Variants in VPS13B observed in about 807,000 individuals in gnomAD.
VPS13B encodes vacuolar protein sorting 13 homolog B, also known as intermembrane lipid transfer protein VPS13B.
VPS13B carries 285 observed loss-of-function variants against 426.4 expected under a neutral mutation model. The ratio of observed to expected loss-of-function variants is 0.67; its 90% CI spans 0.61 to 0.74. The LOEUF (loss-of-function observed/expected upper bound fraction) is 0.74, where lower values mean the gene tolerates loss of function less well. Ranked by LOEUF, VPS13B falls within the 30% of genes least tolerant of loss-of-function variation. VPS13B has a pLI of 0.00. For missense variants in VPS13B, 4,537 were observed against 4,782.6 expected (o/e 0.95, Z 1.51); for synonymous variants, 1,676 against 1,676.4 (o/e 1.00, Z 0.01).
chr8:99,717,342 T>C lies in VPS13B; in HGVS notation c.6626T>C (p.Ile2209Thr). 6.2e-7 allele frequency: 1 copy of C among 1,614,012 alleles called. No homozygotes were observed. The highest frequency in any genetic ancestry group is 8.5e-7 in the Non-Finnish European group (1 of 1,179,968). ...GGCCCAGAACAATCCATACCAAAAA[T>C]ATCCATTGACTTAAGAGGAGGTCTA... ...NPGPEQSIPK[I>T]SIDLRGGLLQ... Residue 2209 changes from isoleucine to threonine, a missense_variant, in exon 37 of 62, where the codon ATA (isoleucine) becomes ACA (threonine). Physicochemically the swap from Ile to Thr is moderately conservative, Grantham distance 89. Transcript: ENST00000357162.
chr8:99,320,382 A>G (rs1809912913), intron 19 of VPS13B, among the ~76,000 whole-genome samples: 1 of 152,172 alleles, frequency 6.6e-6, no homozygotes, highest in South Asian at 2.1e-4. Flanking sequence ...TGTTTAAAAT[A>G]CAACATCAGT....
At chr8:99,247,833 G>GA (rs1817304829) in intron 17 of VPS13B, among the ~76,000 whole-genome samples, 1 of 151,990 alleles carries the variant, frequency 6.6e-6, no homozygotes, top group African/African-American at 2.4e-5. Context: ...TTGGGGCAGG[G>GA]AAAAAAATAA....
chr8:99,209,289 A>AC (rs1814922316), intron 17 of VPS13B, among the ~76,000 whole-genome samples: 1 of 150,962 alleles, frequency 6.6e-6, no homozygotes, highest in African/African-American at 2.4e-5. Flanking sequence ...CTCAAAAAAA[A>AC]AACAAAACAA....
chr8:99,469,118 A>AGAAC (rs1402179522), intron 24 of VPS13B, among the ~76,000 whole-genome samples: 1 of 151,970 alleles, frequency 6.6e-6, no homozygotes, highest in Admixed American at 6.6e-5. Flanking sequence ...TAAAAACTTA[A>AGAAC]GAACTCATCT....
intron 16 of VPS13B, among the ~76,000 whole-genome samples, chr8:99,170,571 A>C (rs532141118): frequency 3.3e-5 from 5 of 151,968 alleles, no homozygotes; most frequent in Non-Finnish European, 7.4e-5. Context: ...CACTGACAAA[A>C]GTATACACAT....
chr8:99,836,851 T>C (rs1165466673), intron 54 of VPS13B, among the ~76,000 whole-genome samples: 1 of 152,202 alleles, frequency 6.6e-6, no homozygotes, highest in African/African-American at 2.4e-5. Context: ...ACAACAGCCA[T>C]ACAAGTTAGT....
intron 35 of VPS13B, among the ~76,000 whole-genome samples, chr8:99,671,329 T>C (rs577951869): frequency 4.9e-4 from 75 of 152,144 alleles, no homozygotes; most frequent in Non-Finnish European, 9.3e-4. Flanking sequence ...TAAAATTTGG[T>C]TCTTTGTCTT....
At chr8:99,337,506 A>G (rs549009184) in intron 19 of VPS13B, among the ~76,000 whole-genome samples, 1 of 152,180 alleles carries the variant, frequency 6.6e-6, no homozygotes, top group African/African-American at 2.4e-5. Flanking sequence ...TAAAACTTAA[A>G]GTATAATAAA....
At chr8:99,288,495 A>G (rs1459149487) in intron 19 of VPS13B, among the ~76,000 whole-genome samples, 1 of 151,992 alleles carries the variant, frequency 6.6e-6, no homozygotes, top group Non-Finnish European at 1.5e-5. Flanking sequence ...ATGAAATACA[A>G]TTTCATTTTT....
At chr8:99,485,045 A>G (rs1820232839) in intron 25 of VPS13B, among the ~76,000 whole-genome samples, 1 of 152,202 alleles carries the variant, frequency 6.6e-6, no homozygotes, top group African/African-American at 2.4e-5. Flanking sequence ...GCTCTTGTAA[A>G]GTCAGGAACA....
In VPS13B at chr8:99,038,522, A is replaced by G. The variant is rs1213548724; in HGVS notation, c.247A>G (p.Ile83Val). Residue 83 changes from isoleucine to valine, a missense_variant, in exon 3 of 62, where the codon ATC (isoleucine) becomes GTC (valine). Physicochemically the swap from Ile to Val is conservative, Grantham distance 29. Transcript: ENST00000357162. ...GGGTTCAGAACCAGTGGTAATTACC[A>G]TCAATACTATGGAATGCATTTTGAA... ...KLGSEPVVITINTMECILKLK... is the reference protein window; with the variant it reads ...KLGSEPVVITVNTMECILKLK... 2 of 1,613,058 alleles carry G rather than the reference A, an allele frequency of 1.2e-6. No individual in the cohort carries two copies. The highest frequency in any genetic ancestry group is 8.5e-7 in the Non-Finnish European group (1 of 1,179,390).
At position 99,614,252 on chromosome 8, in the gene VPS13B, T is replaced by TACAC. The variant is rs146295745; in HGVS notation, c.5221-27541_5221-27538dup. 6.4e-3 allele frequency among the ~76,000 whole-genome samples: 966 copies of TACAC among 150,338 alleles called. 9 individuals are homozygous for TACAC. The highest frequency in any genetic ancestry group is 0.042 in the East Asian group (216 of 5,094). ...AAAATAGTTTTTATTTTAAATTTTATACACACACACACACACACACATATA... is the reference window on the plus strand; with the variant it reads ...AAAATAGTTTTTATTTTAAATTTTATACACACACACACACACACACACACATATA... On this transcript the variant is annotated intron_variant, in intron 33 of 61. Coordinates refer to ENST00000357162, the MANE Select transcript of VPS13B (RefSeq NM_152564.5).
rs1282623391 is a variant in VPS13B, at chr8:99,717,391, A to G, written c.6657+18A>G. On this transcript the variant is annotated intron_variant, in intron 37 of 61. Coordinates refer to ENST00000357162, the MANE Select transcript of VPS13B (RefSeq NM_152564.5). ...TACTACAGGTCTGTGGGTATTGGCC[A>G]TATTTTTTTCATAGGTTATTAACTA... 1.2e-6 allele frequency: 2 copies of G among 1,608,038 alleles called. No individual in the cohort carries two copies. The highest frequency in any genetic ancestry group is 2.7e-5 in the African/African-American group (2 of 74,738).
chr8:99,268,788 A>G (rs768158476), intron 17 of VPS13B, among the ~76,000 whole-genome samples: 2 of 152,072 alleles, frequency 1.3e-5, no homozygotes, highest in African/African-American at 2.4e-5. Context: ...GCATGAGAAC[A>G]TGGGATTTTG....
rs1331039044 is a variant in VPS13B at position 99,823,887 on chromosome 8, T to C, written c.9239T>C (p.Ile3080Thr). The C allele has an allele frequency of 1.2e-6, 2 of 1,613,552 alleles. No homozygotes were observed. Among genetic ancestry groups the C allele is most frequent in the East Asian group, 2.2e-5 (1 of 44,856 alleles). The change falls in exon 51 of 62, where the codon ATT becomes ACT. Residue 3080 changes from isoleucine to threonine, a missense_variant. Ile to Thr is a moderately conservative substitution (Grantham distance 89). Coordinates refer to ENST00000357162, the MANE Select transcript of VPS13B (RefSeq NM_152564.5). ...MVQQGIQIIQ[I>T]EDKTTIINNT... ...CAGCAAGGTATACAAATTATTCAGATTGAAGACAAGACTACAATAATCAAT... is the reference window on the plus strand; with the variant it reads ...CAGCAAGGTATACAAATTATTCAGACTGAAGACAAGACTACAATAATCAAT...
intron 25 of VPS13B, among the ~76,000 whole-genome samples, chr8:99,497,725 G>C (rs1021719369): frequency 6.6e-6 from 1 of 152,040 alleles, no homozygotes; most frequent in Non-Finnish European, 1.5e-5. Context: ...TTATTCAAGT[G>C]CAATTAACCT....
chr8:99,426,105 T>A (rs1816691972), intron 21 of VPS13B, among the ~76,000 whole-genome samples: 1 of 138,166 alleles, frequency 7.2e-6, no homozygotes, highest in African/African-American at 2.7e-5. Flanking sequence ...ATATTCCCCT[T>A]CCTGTGTCCA....
intron 21 of VPS13B, among the ~76,000 whole-genome samples, chr8:99,411,530 A>G (rs1297038674): frequency 1.3e-5 from 2 of 152,096 alleles, no homozygotes; most frequent in Non-Finnish European, 2.9e-5. Context: ...CACTCCGATG[A>G]TAGTTTCTTT....
Position 99,275,121 on chromosome 8 carries a change from T to A in VPS13B, c.2691T>A (p.Gly897=). ...GKEKLIPLLQ[G]PSDTKDLHST... Reference sequence around the variant, plus strand: ...AGAAGTTGATTCCCTTGCTTCAGGGTCCTTCTGACACTAAAGACCTTCATA... The same window carrying A: ...AGAAGTTGATTCCCTTGCTTCAGGGACCTTCTGACACTAAAGACCTTCATA... The change falls in exon 19 of 62, where the codon GGT becomes GGA. Residue 897 remains glycine (G), a synonymous_variant. Transcript: ENST00000357162. 6.2e-7 allele frequency: 1 copy of A among 1,611,222 alleles called. No individual in the cohort carries two copies. Among genetic ancestry groups the A allele is most frequent in the Non-Finnish European group, 8.5e-7 (1 of 1,178,780 alleles).
Sources: allele counts gnomAD v4.1 joint callset (sites outside exome capture counted in the v4.1 genomes callset), GRCh38; gene constraint gnomAD v4.1.1; transcripts MANE v1.5; gene names NCBI Gene and HGNC (gene_info 2026-07-23, HGNC 2026-07-21).